The following SLC22A17 variants were observed in gnomAD, a reference collection of about 807,000 sequenced individuals.
The protein encoded by SLC22A17 is 24p3 receptor.
In SLC22A17, 38 loss-of-function variants were observed where a neutral mutation model predicts 53.6. That is an observed-to-expected ratio of 0.71 (90% CI 0.55 to 0.93). SLC22A17 has a LOEUF of 0.93. SLC22A17 is among the 40% of genes least tolerant of loss of function. SLC22A17 has a pLI of 0.00. For synonymous variants in SLC22A17, 379 were observed against 353.0 expected, an observed-to-expected ratio of 1.07 and a Z score of -0.82; for missense variants, 704 against 791.0, an observed-to-expected ratio of 0.89 and a Z score of 1.32.
At position 23,347,491 on chromosome 14, in the gene SLC22A17, T is replaced by A; in HGVS notation, c.1518A>T (p.Thr506=). ...TGGGGTTCCCTTGTTGAGCCCACACTGTGGGGAAGATAGGATGCTCACAAT... is the reference window on the plus strand; with the variant it reads ...TGGGGTTCCCTTGTTGAGCCCACACAGTGGGGAAGATAGGATGCTCACAAT... The change falls in exon 8 of 10, where the codon ACA becomes ACT. Residue 506 remains threonine (T), a synonymous_variant. Transcript: ENST00000397267. This position sits in a 1 kb window ranked among gnomAD's most constrained non-coding sequence, Gnocchi z 5.1. 1.9e-6 allele frequency: 3 copies of A among 1,614,060 alleles called. No homozygotes were observed. The highest frequency in any genetic ancestry group is 1.6e-4 in the Middle Eastern group (1 of 6,062).
intron 3 of SLC22A17, chr14:23,349,896 A>C (rs1315199788): frequency 1.1e-5 from 2 of 176,052 alleles, no homozygotes; most frequent in Non-Finnish European, 2.4e-5. Context: ...CCACTTGTGC[A>C]TGAGGATACT....
Position 23,348,312 on chromosome 14 carries a change from G to A in SLC22A17, c.1026-6C>T. ...CCAGGAACAAACCAGGCCAGCTGGG[G>A]GCAGGGGGGAAGGGGTATACTGTGA... On this transcript the variant is annotated splice_polypyrimidine_tract_variant and splice_region_variant and intron_variant, in intron 5 of 9. Transcript: ENST00000397267. This position sits in a 1 kb window ranked among gnomAD's most constrained non-coding sequence, Gnocchi z 4.5. The A allele has an allele frequency of 6.2e-7, 1 of 1,613,922 alleles. No individual in the cohort carries two copies. Among genetic ancestry groups the A allele is most frequent in the Non-Finnish European group, 8.5e-7 (1 of 1,179,934 alleles).
At position 23,347,857 on chromosome 14, in the gene SLC22A17, T is replaced by C. The variant is rs1365090111; in HGVS notation, c.1277+34A>G. 2 of 1,612,740 alleles carry C rather than the reference T, an allele frequency of 1.2e-6. No homozygotes were observed. Among genetic ancestry groups the C allele is most frequent in the Admixed American group, 3.3e-5 (2 of 60,006 alleles). ...CCCAGCCAGCCCCCATTCCAGCTAC[T>C]GGCCTGGCCCTCAGCCCAGACACCC... On this transcript the variant is annotated intron_variant, in intron 7 of 9. Transcript: ENST00000397267. The surrounding 1 kb of genome is among the most constrained non-coding windows in gnomAD (Gnocchi z 5.1).
intron 3 of SLC22A17, among the ~76,000 whole-genome samples, chr14:23,350,141 T>TA (rs1889532013): frequency 6.6e-6 from 1 of 151,922 alleles, no homozygotes; most frequent in Non-Finnish European, 1.5e-5. Flanking sequence ...CCATCCTTAC[T>TA]AAAAATACAA....
Position 23,347,244 on chromosome 14 carries a change from G to A in SLC22A17, c.1550-32C>T. On this transcript the variant is annotated intron_variant, in intron 8 of 9. Coordinates refer to ENST00000397267, the Ensembl canonical transcript of SLC22A17. The surrounding 1 kb of genome is among the most constrained non-coding windows in gnomAD (Gnocchi z 5.1). Reference sequence around the variant, plus strand: ...AAGCAAGAGGGATGATATGAATGCAGGTGGGGAGGTCAAGGCTGGCCTAGT... The same window carrying A: ...AAGCAAGAGGGATGATATGAATGCAAGTGGGGAGGTCAAGGCTGGCCTAGT... 1 of 1,587,834 alleles carries A rather than the reference G, an allele frequency of 6.3e-7. No individual in the cohort carries two copies. Among genetic ancestry groups the A allele is most frequent in the Non-Finnish European group, 8.6e-7 (1 of 1,162,068 alleles).
At position 23,347,280 on chromosome 14, in the gene SLC22A17, A is replaced by C; in HGVS notation, c.1550-68T>G. The C allele has an allele frequency of 1.3e-6, 2 of 1,503,962 alleles. No individual in the cohort carries two copies. Among genetic ancestry groups the C allele is most frequent in the Non-Finnish European group, 1.8e-6 (2 of 1,104,854 alleles). 93.2% of individuals were successfully genotyped at this position (1,503,962 alleles called of 1,614,324 possible). On this transcript the variant is annotated intron_variant, in intron 8 of 9. Transcript: ENST00000397267. This position sits in a 1 kb window ranked among gnomAD's most constrained non-coding sequence, Gnocchi z 5.1. ...CAAGGCTGGCCTAGTCCCGGGTGTC[A>C]TCCCCTTGGCTCTCTGTTCCCATGG...
rs777792887 is a variant in SLC22A17 at position 23,348,570 on chromosome 14, A to G, written c.961T>C (p.Ser321Pro). Reference sequence around the variant, plus strand: ...CGCTGTAGGAATCGCCAATCCTTAGAGACAAGGGCCAGGCCCAGGAACAGG... The same window carrying G: ...CGCTGTAGGAATCGCCAATCCTTAGGGACAAGGGCCAGGCCCAGGAACAGG... Residue 321 changes from serine (S) to proline (P), a missense_variant, in exon 5 of 10, where the codon TCT becomes CCT. Around this residue, in one of 4 missense-constraint regions of SLC22A17, gnomAD observed 435 missense variants for 529.0 expected, o/e 0.82. Coordinates refer to ENST00000397267, the Ensembl canonical transcript of SLC22A17. This position sits in a 1 kb window ranked among gnomAD's most constrained non-coding sequence, Gnocchi z 4.5. 1 of 1,614,076 alleles carries G rather than the reference A, an allele frequency of 6.2e-7. No individual in the cohort carries two copies. Among genetic ancestry groups the G allele is most frequent in the Non-Finnish European group, 8.5e-7 (1 of 1,179,986 alleles).
In SLC22A17 at chr14:23,349,316, A is replaced by AAG. The variant is rs767518096; in HGVS notation, c.813_814dup (p.Leu272SerfsTer15). On this transcript the variant is annotated frameshift_variant, in exon 4 of 10. Transcript: ENST00000397267. LOFTEE classifies it high-confidence loss of function. Reference sequence around the variant, plus strand: ...GTCAACACCGGCAAGCAGAAAGCCCAAGAGGAATCGGAGGGCCATGACGCC... The same window carrying AAG: ...GTCAACACCGGCAAGCAGAAAGCCCAAGAGAGGAATCGGAGGGCCATGACGCC... 1 of 1,614,104 alleles carries AAG rather than the reference A, an allele frequency of 6.2e-7. No individual in the cohort carries two copies. Among genetic ancestry groups the AAG allele is most frequent in the Non-Finnish European group, 8.5e-7 (1 of 1,180,002 alleles).
chr14:23,349,576 G>A lies in SLC22A17; in HGVS notation c.705-150C>T, dbSNP rs1367120538. 3 of 920,962 alleles carry A rather than the reference G, an allele frequency of 3.3e-6. No homozygotes were observed. In the East Asian group the frequency reaches 8.0e-5, roughly 24 times the overall value. 57.0% of individuals were successfully genotyped at this position (920,962 alleles called of 1,614,324 possible). The stretch of plus-strand genomic sequence containing the variant: ...ACAGAGGCTTGAGAAGATGGGGAGG[G>A]ATGGGGACCATGGGTGGGTGATGCC... On this transcript the variant is annotated intron_variant, in intron 3 of 9. Transcript: ENST00000397267.
Position 23,348,222 on chromosome 14 carries a change from C to T in SLC22A17, c.1110G>A (p.Leu370=). The T allele has an allele frequency of 6.2e-7, 1 of 1,614,146 alleles. No homozygotes were observed. Among genetic ancestry groups the T allele is most frequent in the Non-Finnish European group, 8.5e-7 (1 of 1,180,006 alleles). The change falls in exon 6 of 10, where the codon CTG becomes CTA. Residue 370 remains leucine, a synonymous_variant. Coordinates refer to ENST00000397267, the Ensembl canonical transcript of SLC22A17. The surrounding 1 kb of genome is among the most constrained non-coding windows in gnomAD (Gnocchi z 4.5). Reference sequence around the variant, plus strand: ...GCCCATGGGGCCGGTTTCGCTCAGCCAGGATCCTCAGCACAGACTGAGCCT... The same window carrying T: ...GCCCATGGGGCCGGTTTCGCTCAGCTAGGATCCTCAGCACAGACTGAGCCT...
In SLC22A17 at chr14:23,347,821, G is replaced by C; in HGVS notation, c.1277+70C>G. On this transcript the variant is annotated intron_variant, in intron 7 of 9. Transcript: ENST00000397267. This position sits in a 1 kb window ranked among gnomAD's most constrained non-coding sequence, Gnocchi z 5.1. ...CTGATGGTCCTCCGCAGGGGTCCCC[G>C]GGCCTTCCCACCCAGCCAGCCCCCA... 6.2e-7 allele frequency: 1 copy of C among 1,611,934 alleles called. No individual in the cohort carries two copies. Among genetic ancestry groups the C allele is most frequent in the Admixed American group, 1.7e-5 (1 of 59,950 alleles).
Position 23,352,349 on chromosome 14 carries a change from T to C in SLC22A17, c.199A>G (p.Ser67Gly). ...GGGGGCACGGCCAGCGACAGGCTGC[T>C]GCCCAGTCCGTCGCCGCCCGCGTCT... The change falls in exon 2 of 10, where the codon AGC (serine) becomes GGC (glycine). Residue 67 changes from serine (S) to glycine (G), a missense_variant. Ser to Gly is a moderately conservative substitution (Grantham distance 56). Around this residue, in one of 4 missense-constraint regions of SLC22A17, gnomAD observed 42 missense variants for 28.2 expected, o/e 1.49. Coordinates refer to ENST00000397267, the Ensembl canonical transcript of SLC22A17. The surrounding 1 kb of genome is among the most constrained non-coding windows in gnomAD (Gnocchi z 7.2). The C allele has an allele frequency of 9.6e-7, 1 of 1,036,852 alleles. No individual in the cohort carries two copies. The highest frequency in any genetic ancestry group is 1.3e-6 in the Non-Finnish European group (1 of 772,040). 64.2% of individuals were successfully genotyped at this position (1,036,852 alleles called of 1,614,324 possible).
exon 2 of SLC22A17, chr14:23,351,951 G>T: frequency 6.2e-7 from 1 of 1,612,712 alleles, no homozygotes; most frequent in South Asian, 1.1e-5. Flanking sequence ...GCCTCACCTG[G>T]CCGATGGCGT....
At chr14:23,346,729 G>C in exon 10 of SLC22A17, 1 of 1,545,956 alleles carries the variant, frequency 6.5e-7, no homozygotes, top group Non-Finnish European at 8.7e-7. Context: ...GGGAAGGCCG[G>C]CGACACAGCT....
At chr14:23,349,176 C>T (rs1390741248) in intron 4 of SLC22A17, 96 bp downstream of exon 4, 2 of 1,515,904 alleles carry the variant, frequency 1.3e-6, no homozygotes, top group Admixed American at 1.7e-5. Context: ...TTCTAGGCAG[C>T]TGAAATGTGG....
chr14:23,352,827 G>C lies in SLC22A17; in HGVS notation c.-86C>G. 1 of 398,366 alleles carries C rather than the reference G, an allele frequency of 2.5e-6. No homozygotes were observed. 24.7% of individuals were successfully genotyped at this position (398,366 alleles called of 1,614,324 possible). On this transcript the variant is annotated 5_prime_UTR_variant, in exon 1 of 10. Transcript: ENST00000397267. This position sits in a 1 kb window ranked among gnomAD's most constrained non-coding sequence, Gnocchi z 7.2. Reference sequence around the variant, plus strand: ...GTTGCGCGCCGGCTGCCCGGACACAGACAGCTCGAAGAGATCCCGCTCTGC... The same window carrying C: ...GTTGCGCGCCGGCTGCCCGGACACACACAGCTCGAAGAGATCCCGCTCTGC...
chr14:23,350,249 A>C (rs1454512266), intron 3 of SLC22A17, among the ~76,000 whole-genome samples: 4 of 152,184 alleles, frequency 2.6e-5, no homozygotes, highest in Admixed American at 1.3e-4. Context: ...GGTTGCAGTG[A>C]GCTGAGATTA....
rs1191325329 is a variant in SLC22A17, at chr14:23,347,414, T to C, written c.1549+46A>G. On this transcript the variant is annotated intron_variant, in intron 8 of 9. Transcript: ENST00000397267. This position sits in a 1 kb window ranked among gnomAD's most constrained non-coding sequence, Gnocchi z 5.1. ...AGCTGGGCAGGGTCTGGGGCTTGTC[T>C]TGGGAGGCCTGTGCCAGAAGAAATG... The C allele has an allele frequency of 2.5e-6, 4 of 1,594,314 alleles. No individual in the cohort carries two copies. Among genetic ancestry groups the C allele is most frequent in the Non-Finnish European group, 3.4e-6 (4 of 1,169,770 alleles).
exon 10 of SLC22A17, chr14:23,346,902 C>G (rs1488235453): frequency 6.5e-7 from 1 of 1,538,600 alleles, no homozygotes; most frequent in South Asian, 1.2e-5. Flanking sequence ...CCTCCAAGCG[C>G]CCCTAGAGCC....
Sources: gnomAD v4.1 joint callset for allele counts (sites outside exome capture counted in the v4.1 genomes callset) on GRCh38, gnomAD v4.1.1 for gene constraint, gnomAD v4.1.1 regional missense constraint, Gnocchi (gnomAD v3.1) non-coding constraint, MANE v1.5 for transcripts, NCBI Gene and HGNC (gene_info 2026-07-23, HGNC 2026-07-21) for gene names.